Variants in TAF1B observed in about 807,000 individuals in gnomAD.
TAF1B encodes TATA-box binding protein associated factor, RNA polymerase I subunit B, also known as TATA box-binding protein-associated factor RNA polymerase I subunit B.
In TAF1B, 61 loss-of-function variants were observed where a neutral mutation model predicts 83.9. The observed-to-expected ratio is 0.73, with a 90% CI of 0.59 to 0.90. TAF1B has a LOEUF of 0.90. TAF1B is among the 40% of genes least tolerant of loss of function. The probability of loss-of-function intolerance (pLI) is 0.00; values close to 1 mark genes in which losing one functional copy is unlikely to be tolerated. For synonymous variants in TAF1B, 221 were observed against 224.6 expected (o/e 0.98, Z 0.14); for missense variants, 625 against 677.0 (o/e 0.92, Z 0.85).
intron 6 of TAF1B, among the ~76,000 whole-genome samples, chr2:9,869,635 G>A (rs990134315): frequency 6.6e-6 from 1 of 151,752 alleles, no homozygotes; most frequent in African/African-American, 2.4e-5. Flanking sequence ...CAGGACTATG[G>A]GAGGCTGAGG....
At chr2:9,848,275 G>C (rs936555512) in intron 2 of TAF1B, among the ~76,000 whole-genome samples, 1 of 152,160 alleles carries the variant, frequency 6.6e-6, no homozygotes, top group Non-Finnish European at 1.5e-5. Flanking sequence ...TATTCTTATG[G>C]AGGGTTAAAG....
intron 14 of TAF1B, among the ~76,000 whole-genome samples, chr2:9,922,872 T>G (rs923413950): frequency 2.0e-5 from 3 of 152,208 alleles, no homozygotes; most frequent in African/African-American, 7.2e-5. Context: ...GTATTTGATG[T>G]GTGTCACATA....
At chr2:9,920,997 C>G (rs1478616355) in intron 14 of TAF1B, among the ~76,000 whole-genome samples, 2 of 152,156 alleles carry the variant, frequency 1.3e-5, no homozygotes, top group African/African-American at 4.8e-5. Context: ...GGCTCTTAGA[C>G]TTCCGGCTTA....
At chr2:9,869,822 A>G (rs760044277) in intron 6 of TAF1B, among the ~76,000 whole-genome samples, 1 of 152,028 alleles carries the variant, frequency 6.6e-6, no homozygotes, top group East Asian at 1.9e-4. Flanking sequence ...CAGTGAGCCA[A>G]GATCACACCA....
intron 14 of TAF1B, among the ~76,000 whole-genome samples, chr2:9,926,790 G>T (rs1666054582): frequency 7.2e-6 from 1 of 139,116 alleles, no homozygotes; most frequent in South Asian, 2.5e-4. Context: ...AGTCAGCGGG[G>T]TGAGACTCTG....
Position 9,879,657 on chromosome 2 carries a change from C to T in TAF1B, c.708-3049C>T, listed in dbSNP as rs188548825. Among the ~76,000 whole-genome samples, 11 of 152,120 alleles carry T rather than the reference C, an allele frequency of 7.2e-5. No homozygotes were observed. The East Asian group carries it at 9.6e-4, about 13-fold the overall frequency. The stretch of plus-strand genomic sequence containing the variant: ...TGTGATGAAGGAGCAGAGGAGAGTT[C>T]GTGTGACTGGAGTCAGAGAATTCTA... On this transcript the variant is annotated intron_variant, in intron 7 of 14. Coordinates refer to ENST00000263663, the MANE Select transcript of TAF1B (RefSeq NM_005680.3).
chr2:9,922,030 A>G (rs1024121642), intron 14 of TAF1B, among the ~76,000 whole-genome samples: 6 of 152,208 alleles, frequency 3.9e-5, no homozygotes, highest in African/African-American at 1.4e-4. Context: ...CATTGTGACT[A>G]TATTTAAAGT....
chr2:9,875,450 A>T (rs1330287803), intron 6 of TAF1B, among the ~76,000 whole-genome samples: 6 of 152,180 alleles, frequency 3.9e-5, no homozygotes, highest in African/African-American at 1.4e-4. Context: ...AATACCCAAG[A>T]CTGGGTCATT....
intron 8 of TAF1B, among the ~76,000 whole-genome samples, chr2:9,895,007 A>G (rs1217521445): frequency 6.6e-6 from 1 of 152,216 alleles, no homozygotes; most frequent in Non-Finnish European, 1.5e-5. Flanking sequence ...GCCAAAACAA[A>G]TTATTATCTC....
intron 8 of TAF1B, among the ~76,000 whole-genome samples, chr2:9,889,875 C>T (rs1664812328): frequency 6.6e-6 from 1 of 152,200 alleles, no homozygotes; most frequent in Non-Finnish European, 1.5e-5. Flanking sequence ...GAAGTCTCTG[C>T]ACTTTGGCTG....
intron 8 of TAF1B, among the ~76,000 whole-genome samples, chr2:9,889,819 A>G (rs62127144): frequency 0.23 from 34,612 of 152,024 alleles, 4,806 homozygotes; most frequent in East Asian, 0.31. Flanking sequence ...CCTCACTACT[A>G]AGGCGTATCC....
intron 14 of TAF1B, among the ~76,000 whole-genome samples, chr2:9,930,718 T>C (rs1666185826): frequency 6.6e-6 from 1 of 152,184 alleles, no homozygotes; most frequent in Admixed American, 6.5e-5. Context: ...CCTGGATATC[T>C]ATCCTTGTTA....
In TAF1B at chr2:9,914,496, C is replaced by A. The variant is rs576180625; in HGVS notation, c.1271+1247C>A. 1.3e-5 allele frequency among the ~76,000 whole-genome samples: 2 copies of A among 152,166 alleles called. No homozygotes were observed. The highest frequency in any genetic ancestry group is 1.3e-4 in the Admixed American group (2 of 15,286). ...CCTGACGGATCCTAAGGACTGGGTG[C>A]CTAGGGGCCATTCCTCCCTGGGGTC... On this transcript the variant is annotated intron_variant, in intron 12 of 14. Transcript: ENST00000263663. The surrounding 1 kb of genome is among the most constrained non-coding windows in gnomAD (Gnocchi z 4.3).
At chr2:9,892,251 C>T (rs1030343446) in intron 8 of TAF1B, among the ~76,000 whole-genome samples, 3 of 152,158 alleles carry the variant, frequency 2.0e-5, no homozygotes, top group African/African-American at 7.2e-5. Flanking sequence ...TAGGCTATCT[C>T]ATATAGCCTA....
chr2:9,861,024 C>A (rs565779799), intron 5 of TAF1B, among the ~76,000 whole-genome samples: 2 of 152,176 alleles, frequency 1.3e-5, no homozygotes, highest in Non-Finnish European at 2.9e-5. Flanking sequence ...GCATGAGCAG[C>A]GCAGAAGACG....
At position 9,872,039 on chromosome 2, in the gene TAF1B, G is replaced by A. The variant is rs952304182; in HGVS notation, c.553+3610G>A. On this transcript the variant is annotated intron_variant, in intron 6 of 14. Coordinates refer to ENST00000263663, the MANE Select transcript of TAF1B (RefSeq NM_005680.3). ...TGCATGGATTTGGGATAAGAATCTGGATGTCTGGCTGGGTGTGGTGGCTCA... is the reference window on the plus strand; with the variant it reads ...TGCATGGATTTGGGATAAGAATCTGAATGTCTGGCTGGGTGTGGTGGCTCA... Among the ~76,000 whole-genome samples the A allele has an allele frequency of 3.7e-4, 57 of 152,066 alleles. 2 individuals are homozygous for A.
chr2:9,907,810 C>T (rs1301129158), intron 9 of TAF1B, among the ~76,000 whole-genome samples: 1 of 152,090 alleles, frequency 6.6e-6, no homozygotes, highest in Non-Finnish European at 1.5e-5. Flanking sequence ...TTCCCCTTGA[C>T]AGATGAGACT....
intron 14 of TAF1B, among the ~76,000 whole-genome samples, chr2:9,932,213 G>T (rs1443411566): frequency 6.6e-6 from 1 of 152,220 alleles, no homozygotes; most frequent in African/African-American, 2.4e-5. Context: ...TCCGTTGCTG[G>T]CAAGGAGCTG....
intron 7 of TAF1B, among the ~76,000 whole-genome samples, chr2:9,882,244 G>T (rs1664527878): frequency 6.6e-6 from 1 of 152,066 alleles, no homozygotes; most frequent in Admixed American, 6.5e-5. Context: ...GGGACTACAG[G>T]CCAAGCCACC....
Sources: gnomAD v4.1 joint callset for allele counts (sites outside exome capture counted in the v4.1 genomes callset) on GRCh38, gnomAD v4.1.1 for gene constraint, Gnocchi (gnomAD v3.1) non-coding constraint, MANE v1.5 for transcripts, NCBI Gene and HGNC (gene_info 2026-07-23, HGNC 2026-07-21) for gene names.